The following TBC1D16 variants were observed in gnomAD, a reference collection of about 807,000 sequenced individuals.
The protein encoded by TBC1D16 is CTD-2529O21.1.
In TBC1D16, 58 loss-of-function variants were observed where a neutral mutation model predicts 74.7. The ratio of observed to expected loss-of-function variants is 0.78; its 90% CI spans 0.63 to 0.97. TBC1D16 has a LOEUF of 0.97. TBC1D16 is among the 50% of genes least tolerant of loss of function. The pLI is 0.00. For synonymous variants in TBC1D16, 493 were observed against 474.7 expected (o/e 1.04, Z -0.50); for missense variants, 1,014 against 1,079.5 (o/e 0.94, Z 0.85).
At chr17:79,953,405 C>T (rs543085670) in intron 3 of TBC1D16, among the ~76,000 whole-genome samples, 1 of 152,346 alleles carries the variant, frequency 6.6e-6, no homozygotes, top group South Asian at 2.1e-4. Context: ...TGACTATGGG[C>T]CTGGCCCTGA....
At position 79,941,460 on chromosome 17, in the gene TBC1D16, C is replaced by T. The variant is rs1231813721; in HGVS notation, c.2056-353G>A. ...AGCCCACCTGTCCCTTTGGCAGCAC[C>T]CCTCTCTTCTTCCCCCGCACCTTGC... On this transcript the variant is annotated intron_variant, in intron 11 of 11. Transcript: ENST00000310924. This position sits in a 1 kb window ranked among gnomAD's most constrained non-coding sequence, Gnocchi z 4.3. Among the ~76,000 whole-genome samples, 1 of 148,838 alleles carries T rather than the reference C, an allele frequency of 6.7e-6. No homozygotes were observed. The highest frequency in any genetic ancestry group is 2.4e-5 in the African/African-American group (1 of 41,054).
intron 8 of TBC1D16, among the ~76,000 whole-genome samples, chr17:79,948,254 A>C (rs1285292): frequency 1.3e-5 from 2 of 149,168 alleles, no homozygotes; most frequent in African/African-American, 5.0e-5. Flanking sequence ...CGGAAGTTGC[A>C]GTGAGCCGAG....
intron 1 of TBC1D16, among the ~76,000 whole-genome samples, chr17:80,022,464 G>A (rs2036318415): frequency 6.7e-6 from 1 of 149,360 alleles, no homozygotes; most frequent in African/African-American, 2.6e-5. Context: ...AGACTCCCGA[G>A]TAGCTGGGAT....
intron 3 of TBC1D16, among the ~76,000 whole-genome samples, chr17:79,957,620 T>C (rs1162670947): frequency 6.6e-6 from 1 of 152,150 alleles, no homozygotes; most frequent in Non-Finnish European, 1.5e-5. Context: ...GTGGTCACGG[T>C]GACAGGTGTC....
chr17:80,022,431 G>A (rs2036317181), intron 1 of TBC1D16, among the ~76,000 whole-genome samples: 1 of 149,722 alleles, frequency 6.7e-6, no homozygotes, highest in South Asian at 2.1e-4. Flanking sequence ...CTTCCTGCCA[G>A]GTTCAAGTGA....
intron 1 of TBC1D16, among the ~76,000 whole-genome samples, chr17:80,019,441 C>CA (rs938569427): frequency 1.6e-4 from 12 of 76,046 alleles, no homozygotes; most frequent in Admixed American, 1.1e-3. Flanking sequence ...CCAGGACAAC[C>CA]CCCCCCCGCC....
chr17:80,029,689 G>T (rs184400764), intron 1 of TBC1D16, among the ~76,000 whole-genome samples: 2 of 152,310 alleles, frequency 1.3e-5, no homozygotes, highest in Admixed American at 6.5e-5. Context: ...TGACACAACC[G>T]TCTCCCCTCT....
rs1356631448 is a variant in TBC1D16, at chr17:79,985,148, G to A, written c.779+25012C>T. Among the ~76,000 whole-genome samples, 3 of 152,158 alleles carry A rather than the reference G, an allele frequency of 2.0e-5. No homozygotes were observed. The highest frequency in any genetic ancestry group is 1.9e-4 in the East Asian group (1 of 5,176). On this transcript the variant is annotated intron_variant, in intron 3 of 11. Transcript: ENST00000310924. The surrounding 1 kb of genome is among the most constrained non-coding windows in gnomAD (Gnocchi z 4.9). ...CTGCCTCTTCCAGCTGGAGGTGCTC[G>A]TCCTGGATCCTGGAAGCCCCCAAGC... is the stretch of plus-strand genomic sequence containing the variant.
At position 79,950,610 on chromosome 17, in the gene TBC1D16, G is replaced by A. The variant is rs931984398; in HGVS notation, c.1090-32C>T. Reference sequence around the variant, plus strand: ...GGGAGGAAAACTGGGCAAAGGTCAGGATCTCAGCCGCGCGGCTTCAGAGGC... The same window carrying A: ...GGGAGGAAAACTGGGCAAAGGTCAGAATCTCAGCCGCGCGGCTTCAGAGGC... On this transcript the variant is annotated intron_variant, in intron 5 of 11. Transcript: ENST00000310924. The surrounding 1 kb of genome is among the most constrained non-coding windows in gnomAD (Gnocchi z 4.6). 1.9e-6 allele frequency: 3 copies of A among 1,603,398 alleles called. No individual in the cohort carries two copies. The highest frequency in any genetic ancestry group is 1.3e-5 in the African/African-American group (1 of 74,916).
intron 2 of TBC1D16, among the ~76,000 whole-genome samples, chr17:80,011,973 G>C (rs1485779865): frequency 6.6e-6 from 1 of 152,170 alleles, no homozygotes; most frequent in Non-Finnish European, 1.5e-5. Flanking sequence ...GGGGTTGCTG[G>C]TGACATGGGA....
intron 1 of TBC1D16, among the ~76,000 whole-genome samples, chr17:80,023,246 A>G (rs117336459): frequency 6.7e-6 from 1 of 150,216 alleles, no homozygotes; most frequent in Non-Finnish European, 1.5e-5. Context: ...GAAATTCACC[A>G]GATGTCCCTT....
intron 3 of TBC1D16, among the ~76,000 whole-genome samples, chr17:80,005,480 C>A (rs534685961): frequency 6.6e-6 from 1 of 152,202 alleles, no homozygotes; most frequent in East Asian, 1.9e-4. Flanking sequence ...TGGTCACCCT[C>A]CCCAGCACAC....
intron 2 of TBC1D16, among the ~76,000 whole-genome samples, chr17:80,011,504 A>C (rs2035891367): frequency 6.6e-6 from 1 of 152,126 alleles, no homozygotes; most frequent in South Asian, 2.1e-4. Context: ...GGAGGGATGG[A>C]GGCTGGAGAC....
At position 79,950,109 on chromosome 17, in the gene TBC1D16, T is replaced by A. The variant is rs991791067; in HGVS notation, c.1258-244A>T. Among the ~76,000 whole-genome samples the A allele has an allele frequency of 6.6e-6, 1 of 152,196 alleles. No individual in the cohort carries two copies. The highest frequency in any genetic ancestry group is 6.5e-5 in the Admixed American group (1 of 15,292). Reference sequence around the variant, plus strand: ...AGATTAACGTGTCGTTCTCACGTCATGGCCTAATCCCTGGTTTTGGAAATG... The same window carrying A: ...AGATTAACGTGTCGTTCTCACGTCAAGGCCTAATCCCTGGTTTTGGAAATG... On this transcript the variant is annotated intron_variant, in intron 6 of 11. Transcript: ENST00000310924. The surrounding 1 kb of genome is among the most constrained non-coding windows in gnomAD (Gnocchi z 4.6).
At chr17:79,948,312 C>CTCTGGATGACAGAGCGAGACTCA (rs2032738449) in intron 8 of TBC1D16, among the ~76,000 whole-genome samples, 20 of 136,528 alleles carry the variant, frequency 1.5e-4, no homozygotes, top group Non-Finnish European at 1.6e-5. Flanking sequence ...GACTCCGTCT[C>CTCTGGATGACAGAGCGAGACTCA]AAAAAAAAAA....
Position 79,944,037 on chromosome 17 carries a change from C to T in TBC1D16, c.1908+871G>A, listed in dbSNP as rs547115815. 1 of 1,535,916 alleles carries T rather than the reference C, an allele frequency of 6.5e-7. No individual in the cohort carries two copies. Among genetic ancestry groups the T allele is most frequent in the Admixed American group, 2.0e-5 (1 of 50,996 alleles). On this transcript the variant is annotated intron_variant, in intron 10 of 11. Transcript: ENST00000310924. The surrounding 1 kb of genome is among the most constrained non-coding windows in gnomAD (Gnocchi z 7.7). ...ACCCGGGCCAGGGGCGAGCCGATGA[C>T]CGCATGCAAAGGCGGCGTGTGGTAC...
intron 1 of TBC1D16, among the ~76,000 whole-genome samples, chr17:80,034,907 C>A (rs1257849869): frequency 6.6e-6 from 1 of 152,200 alleles, no homozygotes; most frequent in Non-Finnish European, 1.5e-5. Flanking sequence ...GAATTAGGAG[C>A]CTTCTGGTAG....
chr17:79,989,537 C>T (rs1298112326), intron 3 of TBC1D16, among the ~76,000 whole-genome samples: 3 of 152,356 alleles, frequency 2.0e-5, no homozygotes, highest in East Asian at 1.9e-4. Context: ...TACGAGTTGT[C>T]GTTGCCTCTT....
chr17:79,947,772 G>T lies in TBC1D16; in HGVS notation c.1601C>A (p.Ser534Ter). 1 of 1,613,924 alleles carries T rather than the reference G, an allele frequency of 6.2e-7. No individual in the cohort carries two copies. Among genetic ancestry groups the T allele is most frequent in the African/African-American group, 1.3e-5 (1 of 75,068 alleles). ...NPAVGYSQGM[S>*]DLVAPILAEV... is the part of the protein sequence containing the mutation. The stretch of plus-strand genomic sequence containing the variant: ...GGCCAAGATGGGCGCCACCAGGTCC[G>T]ACATCCCTTGGGAATAGCCGACGGC... The change falls in exon 9 of 12, where the codon TCG becomes TAG. Residue 534 changes from serine to a stop codon, truncating the protein, a stop_gained. Coordinates refer to ENST00000310924, the MANE Select transcript of TBC1D16 (RefSeq NM_019020.4). LOFTEE classifies it high-confidence loss of function.
Sources: gnomAD v4.1 joint callset for allele counts (sites outside exome capture counted in the v4.1 genomes callset) on GRCh38, gnomAD v4.1.1 for gene constraint, Gnocchi (gnomAD v3.1) non-coding constraint, MANE v1.5 for transcripts, NCBI Gene and HGNC (gene_info 2026-07-23, HGNC 2026-07-21) for gene names.